ADGRL3: variants seen among roughly 807,000 people sequenced by gnomAD.
The protein encoded by ADGRL3 is adhesion G protein-coupled receptor L3, also known as calcium-independent alpha-latrotoxin receptor 3.
In ADGRL3, 62 loss-of-function variants were observed where a neutral mutation model predicts 153.5. The observed-to-expected ratio is 0.40, with a 90% CI of 0.33 to 0.50. The LOEUF (loss-of-function observed/expected upper bound fraction) is 0.50. Ranked by LOEUF, ADGRL3 falls within the 20% of genes least tolerant of loss-of-function variation. The pLI is 0.47. For synonymous variants in ADGRL3, 710 were observed against 672.5 expected, an observed-to-expected ratio of 1.06 and a Z score of -0.86; for missense variants, 1,641 against 1,859.4, an observed-to-expected ratio of 0.88 and a Z score of 2.16.
chr4:61,582,979 C>G (rs80344867), intron 4 of ADGRL3, among the ~76,000 whole-genome samples: 6 of 152,134 alleles, frequency 3.9e-5, no homozygotes, highest in African/African-American at 9.6e-5. Flanking sequence ...ATTCTAGACT[C>G]GTGAATTCAA....
At position 61,733,572 on chromosome 4, in the gene ADGRL3, TG is replaced by T. The variant is rs1430730711; in HGVS notation, c.1399+20del. On this transcript the variant is annotated intron_variant, in intron 8 of 26. Coordinates refer to ENST00000683033, the MANE Select transcript of ADGRL3 (RefSeq NM_001387552.1). ...TAGATCAGGTAAGTTCAACCTTTTG[TG>T]GTACTCTTTGGGGAAATATTTACTG... 6.7e-7 allele frequency: 1 copy of T among 1,493,274 alleles called. No homozygotes were observed. Among genetic ancestry groups the T allele is most frequent in the African/African-American group, 1.4e-5 (1 of 71,670 alleles). The allele number at this position is 1,493,274 out of a possible 1,614,324, so 92.5% of individuals were successfully genotyped here.
At chr4:61,526,043 C>T (rs559475339) in intron 4 of ADGRL3, among the ~76,000 whole-genome samples, 2 of 152,156 alleles carry the variant, frequency 1.3e-5, no homozygotes, top group South Asian at 4.1e-4. Context: ...ACGCACTTAC[C>T]TTTAGAGAAG....
At chr4:61,519,691 G>A (rs1168428819) in intron 4 of ADGRL3, among the ~76,000 whole-genome samples, 1 of 152,118 alleles carries the variant, frequency 6.6e-6, no homozygotes, top group Non-Finnish European at 1.5e-5. Flanking sequence ...TGAAGTAAGA[G>A]ATATCACATT....
chr4:61,408,835 T>A (rs2097041175), intron 2 of ADGRL3, among the ~76,000 whole-genome samples: 1 of 152,086 alleles, frequency 6.6e-6, no homozygotes, highest in African/African-American at 2.4e-5. Flanking sequence ...TGTTGCCTCT[T>A]GCTAAGTCTA....
At chr4:61,821,308 C>T (rs1464083013) in intron 9 of ADGRL3, among the ~76,000 whole-genome samples, 1 of 151,076 alleles carries the variant, frequency 6.6e-6, no homozygotes, top group East Asian at 1.9e-4. Context: ...TATATTCCAC[C>T]TTCCAATATA....
intron 13 of ADGRL3, among the ~76,000 whole-genome samples, chr4:61,922,058 G>T (rs769192737): frequency 7.9e-5 from 12 of 152,148 alleles, no homozygotes; most frequent in Non-Finnish European, 1.6e-4. Context: ...GACTTAGAAA[G>T]ATAGATGTGA....
At chr4:61,986,779 A>T (rs2099087004) in intron 19 of ADGRL3, among the ~76,000 whole-genome samples, 1 of 152,206 alleles carries the variant, frequency 6.6e-6, no homozygotes, top group East Asian at 1.9e-4. Flanking sequence ...TACATTGTAA[A>T]TAAATTGTCC....
chr4:61,673,712 A>T (rs1480001361), intron 5 of ADGRL3, among the ~76,000 whole-genome samples: 1 of 151,506 alleles, frequency 6.6e-6, no homozygotes, highest in Non-Finnish European at 1.5e-5. Context: ...TAGTTTTTAA[A>T]CAATCAATAT....
intron 1 of ADGRL3, among the ~76,000 whole-genome samples, chr4:61,274,943 TG>T (rs1178830991): frequency 2.0e-5 from 3 of 152,120 alleles, no homozygotes; most frequent in African/African-American, 7.2e-5. Context: ...CAAAACAAGA[TG>T]GACACTTTGA....
chr4:61,612,422 A>C (rs1267133633), intron 5 of ADGRL3, among the ~76,000 whole-genome samples: 2 of 152,178 alleles, frequency 1.3e-5, no homozygotes, highest in African/African-American at 4.8e-5. Context: ...AAAGAATGAT[A>C]GTTATTTCTG....
intron 9 of ADGRL3, among the ~76,000 whole-genome samples, chr4:61,871,173 C>T (rs903043423): frequency 6.6e-6 from 1 of 151,698 alleles, no homozygotes. Flanking sequence ...AACTACTCAG[C>T]AGGCTAAGGC....
At chr4:61,657,683 A>G (rs955428268) in intron 5 of ADGRL3, among the ~76,000 whole-genome samples, 20 of 152,198 alleles carry the variant, frequency 1.3e-4, no homozygotes, top group Non-Finnish European at 2.9e-4. Flanking sequence ...AATAATTTTG[A>G]AAATGTCCGC....
rs182686236 is a variant in ADGRL3, at chr4:61,401,710, C to A, written c.-174+18521C>A. Among the ~76,000 whole-genome samples, 274 of 152,008 alleles carry A rather than the reference C, an allele frequency of 1.8e-3. 2 individuals carry two copies. The highest frequency in any genetic ancestry group is 6.4e-3 in the African/African-American group (265 of 41,488). Reference sequence around the variant, plus strand: ...TTTCTACATTTTTCATCTCTAAATACGGAAAATGCTAGTAAGACTAATACT... The same window carrying A: ...TTTCTACATTTTTCATCTCTAAATAAGGAAAATGCTAGTAAGACTAATACT... On this transcript the variant is annotated intron_variant, in intron 2 of 26. Transcript: ENST00000683033.
At chr4:61,362,411 C>T (rs1207582348) in intron 1 of ADGRL3, among the ~76,000 whole-genome samples, 1 of 151,808 alleles carries the variant, frequency 6.6e-6, no homozygotes, top group African/African-American at 2.4e-5. Context: ...CACCCCTCCA[C>T]CTGTCCCCCA....
intron 1 of ADGRL3, among the ~76,000 whole-genome samples, chr4:61,260,870 C>T (rs1404331066): frequency 2.6e-5 from 4 of 152,038 alleles, no homozygotes; most frequent in Admixed American, 2.0e-4. Flanking sequence ...GGACTATGGG[C>T]GTGTACCACC....
chr4:61,315,781 A>G (rs2095188537), intron 1 of ADGRL3, among the ~76,000 whole-genome samples: 1 of 152,176 alleles, frequency 6.6e-6, no homozygotes, highest in South Asian at 2.1e-4. Context: ...TTTTGGTCTT[A>G]GATGATAAAG....
intron 8 of ADGRL3, among the ~76,000 whole-genome samples, chr4:61,801,018 T>G (rs578039947): frequency 6.6e-6 from 1 of 152,274 alleles, no homozygotes; most frequent in Non-Finnish European, 1.5e-5. Flanking sequence ...AAAAGATCAT[T>G]AATAAGGTCT....
intron 2 of ADGRL3, among the ~76,000 whole-genome samples, chr4:61,424,557 CA>C (rs1482475580): frequency 2.0e-5 from 3 of 152,200 alleles, no homozygotes; most frequent in Non-Finnish European, 4.4e-5. Context: ...TCAACTGCTT[CA>C]ACCTCCTGTG....
At chr4:61,747,963 T>C (rs188785419) in intron 8 of ADGRL3, among the ~76,000 whole-genome samples, 77 of 152,132 alleles carry the variant, frequency 5.1e-4, no homozygotes, top group African/African-American at 1.6e-3. Context: ...GAAACCCCAT[T>C]GTCTCAGCCC....
Sources: gnomAD v4.1 joint callset for allele counts (sites outside exome capture counted in the v4.1 genomes callset) on GRCh38, gnomAD v4.1.1 for gene constraint, MANE v1.5 for transcripts, NCBI Gene and HGNC (gene_info 2026-07-23, HGNC 2026-07-21) for gene names.